NOTCH2: variants seen among roughly 807,000 people sequenced by gnomAD.
NOTCH2 encodes the protein notch receptor 2.
Under a neutral mutation model 235.8 loss-of-function variants are expected in NOTCH2, and 29 were observed. The observed-to-expected ratio is 0.12, with a 90% CI of 0.09 to 0.17. The LOEUF (loss-of-function observed/expected upper bound fraction) is 0.17, where lower values mean the gene tolerates loss of function less well. Ranked by LOEUF, NOTCH2 falls within the 10% of genes least tolerant of loss-of-function variation. The probability of loss-of-function intolerance (pLI) is 1.00; values close to 1 mark genes in which losing one functional copy is unlikely to be tolerated. For missense variants in NOTCH2, 2,285 were observed against 3,150.2 expected, an observed-to-expected ratio of 0.73 and a Z score of 6.57; for synonymous variants, 1,086 against 1,141.5, an observed-to-expected ratio of 0.95 and a Z score of 0.98.
intron 22 of NOTCH2, among the ~76,000 whole-genome samples, chr1:119,934,712 T>C (rs1553195540): frequency 6.6e-6 from 1 of 152,242 alleles, no homozygotes; most frequent in African/African-American, 2.4e-5. Context: ...CTATTCTCTT[T>C]GACACTAACA....
intron 1 of NOTCH2, among the ~76,000 whole-genome samples, chr1:120,040,907 G>A (rs1654519074): frequency 6.7e-6 from 1 of 149,664 alleles, no homozygotes; most frequent in African/African-American, 2.5e-5. Flanking sequence ...TGGGCATGGT[G>A]GCGGGTGCCT....
Position 119,937,983 on chromosome 1 carries a change from G to A in NOTCH2, c.3211C>T (p.Pro1071Ser). The A allele has an allele frequency of 3.1e-6, 5 of 1,614,198 alleles. No homozygotes were observed. The highest frequency in any genetic ancestry group is 4.2e-6 in the Non-Finnish European group (5 of 1,180,032). ...ACGCAAGTACCTTTGTTTTTACATG[G>A]AGACCGACTGCAGAGATTCACCAGG... ...QTLVNLCSRS[P>S]CKNKGTCVQK... The change falls in exon 20 of 34, where the codon CCA becomes TCA. Residue 1071 changes from proline (P) to serine (S), a missense_variant. By Grantham distance (74) the Pro-to-Ser change is moderately conservative. Around this residue, in one of 6 missense-constraint regions of NOTCH2, gnomAD observed 1,173 missense variants for 1,515.3 expected, o/e 0.77. Transcript: ENST00000256646.
chr1:119,964,345 C>A (rs1404658566), intron 10 of NOTCH2, among the ~76,000 whole-genome samples: 3 of 152,122 alleles, frequency 2.0e-5, no homozygotes. Flanking sequence ...GAAAAAGAGA[C>A]AAGTAAGATT....
chr1:119,954,645 C>A (rs1288022313), intron 13 of NOTCH2, among the ~76,000 whole-genome samples: 1 of 152,160 alleles, frequency 6.6e-6, no homozygotes, highest in East Asian at 1.9e-4. Flanking sequence ...CACACACTGG[C>A]ACTGTGACAG....
chr1:120,025,120 C>T (rs1337241634), intron 2 of NOTCH2, among the ~76,000 whole-genome samples: 2 of 151,670 alleles, frequency 1.3e-5, no homozygotes, highest in Non-Finnish European at 2.9e-5. Flanking sequence ...GGAGCTGTCA[C>T]AGCAGCTAGA....
chr1:120,065,305 CA>C (rs1655464428), intron 1 of NOTCH2, among the ~76,000 whole-genome samples: 1 of 152,136 alleles, frequency 6.6e-6, no homozygotes, highest in Non-Finnish European at 1.5e-5. Context: ...TTCGACTGAA[CA>C]AGTATTTATT....
chr1:119,953,460 A>C (rs1351067187), intron 14 of NOTCH2, 83 bp downstream of exon 14: 1 of 1,439,648 alleles, frequency 6.9e-7, no homozygotes, highest in African/African-American at 1.4e-5. Flanking sequence ...AAAAAGAGAA[A>C]AGGAAACTAA....
intron 15 of NOTCH2, 129 bp from the exon 16 acceptor site, chr1:119,949,255 CATG>C: frequency 1.1e-6 from 1 of 944,610 alleles, no homozygotes; most frequent in South Asian, 1.4e-5. Context: ...TGGAGAAGCC[CATG>C]ATCTTTCCAG....
At position 119,955,197 on chromosome 1, in the gene NOTCH2, A is replaced by T. The variant is rs782098256; in HGVS notation, c.2062T>A (p.Ser688Thr). Residue 688 changes from serine (S) to threonine (T), a missense_variant, in exon 13 of 34, where the codon TCC (serine) becomes ACC (threonine). By Grantham distance (58) the Ser-to-Thr change is moderately conservative. Transcript: ENST00000256646. ...RCNIDIDECA[S>T]NPCRKGATCI... ...GTTGCACCCTTGCGACAGGGATTGG[A>T]GGCACACTCATCAATGTCAATGTTA... 6.2e-7 allele frequency: 1 copy of T among 1,614,122 alleles called. No homozygotes were observed. Among genetic ancestry groups the T allele is most frequent in the South Asian group, 1.1e-5 (1 of 91,080 alleles).
intron 7 of NOTCH2, among the ~76,000 whole-genome samples, chr1:119,967,876 C>G (rs587775754): frequency 6.6e-6 from 1 of 152,176 alleles, no homozygotes; most frequent in Non-Finnish European, 1.5e-5. Flanking sequence ...CAAGTACATA[C>G]GTTTCATACA....
rs946390070 is a variant in NOTCH2 at position 119,925,759 on chromosome 1, T to C, written c.4057A>G (p.Lys1353Glu). ...GCGGTGTGCACACACTGCTCCCCCT[T>C]CCTACATTTCACTTGTCCACAGCTG... ...QSSCGQVKCRKGEQCVHTASG... is the reference protein window; with the variant it reads ...QSSCGQVKCREGEQCVHTASG... Residue 1353 changes from lysine to glutamate, a missense_variant, in exon 25 of 34, where the codon AAG (lysine) becomes GAG (glutamate). This residue lies in a region of NOTCH2 where 1,173 missense variants were observed against 1,515.3 expected (regional missense o/e 0.77). Transcript: ENST00000256646. 5.6e-6 allele frequency: 9 copies of C among 1,614,012 alleles called. No homozygotes were observed. Among genetic ancestry groups the C allele is most frequent in the Non-Finnish European group, 7.6e-6 (9 of 1,180,050 alleles).
At chr1:119,965,939 T>A (rs1250429594) in intron 9 of NOTCH2, among the ~76,000 whole-genome samples, 1 of 151,720 alleles carries the variant, frequency 6.6e-6, no homozygotes, top group Non-Finnish European at 1.5e-5. Flanking sequence ...CAAAAATAGC[T>A]TGAGGAAAAA....
intron 1 of NOTCH2, among the ~76,000 whole-genome samples, chr1:120,039,313 A>G (rs1654449848): frequency 6.6e-6 from 1 of 151,864 alleles, no homozygotes; most frequent in South Asian, 2.1e-4. Context: ...ATCTTGTATT[A>G]TCTGTTCTGT....
Position 119,922,645 on chromosome 1 carries a change from A to T in NOTCH2, c.4993T>A (p.Ser1665Thr), listed in dbSNP as rs968432255. 1.9e-6 allele frequency: 3 copies of T among 1,614,056 alleles called. No individual in the cohort carries two copies. In the East Asian group the frequency reaches 6.7e-5, roughly 36 times the overall value. ...IQGTLSYPLV[S>T]VVSESLTPER... ...CACCAGTGCCACTCACTGACGACAG[A>T]CACAAGAGGGTATGACAGGGTCCCC... The change falls in exon 27 of 34, where the codon TCT becomes ACT. Residue 1665 changes from serine to threonine, a missense_variant. Physicochemically the swap from Ser to Thr is moderately conservative, Grantham distance 58. Transcript: ENST00000256646.
Position 119,917,685 on chromosome 1 carries a change from G to A in NOTCH2, c.6007C>T (p.Arg2003Ter), listed in dbSNP as rs312262801. Reference protein sequence around the residue: ...TLLLLKNGANRDMQDNKEETP... With the variant: ...TLLLLKNGAN ...TGTACCTTGTTGTCCTGCATGTCTC[G>A]GTTGGCCCCATTTTTCAACAACAAA... Residue 2003 changes from arginine to a stop codon, truncating the protein, a stop_gained, in exon 33 of 34, where the codon CGA (arginine) becomes TGA (stop). Transcript: ENST00000256646. LOFTEE classifies it high-confidence loss of function. 6.2e-7 allele frequency: 1 copy of A among 1,612,624 alleles called. No homozygotes were observed. Among genetic ancestry groups the A allele is most frequent in the Admixed American group, 1.7e-5 (1 of 59,994 alleles).
intron 25 of NOTCH2, 29 bp downstream of exon 25, chr1:119,925,276 T>A: frequency 6.2e-7 from 1 of 1,612,808 alleles, no homozygotes; most frequent in Non-Finnish European, 8.5e-7. Flanking sequence ...GACAGTCCCC[T>A]TCAGTTCTGG....
intron 5 of NOTCH2, among the ~76,000 whole-genome samples, chr1:119,971,560 C>A (rs782160793): frequency 6.6e-6 from 1 of 152,152 alleles, no homozygotes; most frequent in Non-Finnish European, 1.5e-5. Context: ...GTGGCTCACA[C>A]CTGTAAACCC....
chr1:119,969,805 C>T, intron 5 of NOTCH2, 61 bp from the exon 6 acceptor site: 5 of 1,366,128 alleles, frequency 3.7e-6, no homozygotes, highest in Non-Finnish European at 5.2e-6. Flanking sequence ...AGTACCATAC[C>T]AGCCCCCCAC....
At chr1:119,953,214 G>A (rs1268695138) in intron 14 of NOTCH2, among the ~76,000 whole-genome samples, 3 of 152,122 alleles carry the variant, frequency 2.0e-5, no homozygotes, top group Non-Finnish European at 2.9e-5. Context: ...GGGAGGCTGA[G>A]GCAGGAGAAT....
Sources: gnomAD v4.1 joint callset for allele counts (sites outside exome capture counted in the v4.1 genomes callset) on GRCh38, gnomAD v4.1.1 for gene constraint, gnomAD v4.1.1 regional missense constraint, MANE v1.5 for transcripts, NCBI Gene and HGNC (gene_info 2026-07-23, HGNC 2026-07-21) for gene names.